Variants in DNAJC13 observed in about 807,000 individuals in gnomAD.
The protein encoded by DNAJC13 is dnaJ homolog subfamily C member 13.
In DNAJC13, 75 loss-of-function variants were observed where a neutral mutation model predicts 290.5. The ratio of observed to expected loss-of-function variants is 0.26; its 90% confidence interval spans 0.21 to 0.31. The LOEUF is 0.31. Ranked by LOEUF, DNAJC13 falls within the 10% of genes least tolerant of loss-of-function variation. DNAJC13 has a pLI of 1.00. For synonymous variants in DNAJC13, 862 were observed against 892.0 expected, an observed-to-expected ratio of 0.97 and a Z score of 0.60; for missense variants, 2,260 against 2,674.5, an observed-to-expected ratio of 0.85 and a Z score of 3.42.
At chr3:132,523,794 A>AGATGGCTAACT in intron 51 of DNAJC13, 81 bp downstream of exon 51, 2 of 1,387,964 alleles carry the variant, frequency 1.4e-6, no homozygotes, top group East Asian at 4.7e-5. Context: ...CTTATTCACA[A>AGATGGCTAACT]AGACCATGAA....
At chr3:132,506,209 T>C (rs1393027977) in intron 42 of DNAJC13, among the ~76,000 whole-genome samples, 1 of 150,594 alleles carries the variant, frequency 6.6e-6, no homozygotes, top group Non-Finnish European at 1.5e-5. Flanking sequence ...TGCACCACCA[T>C]GCCTGGCTAA....
At chr3:132,521,246 C>CA (rs58866442) in intron 48 of DNAJC13, among the ~76,000 whole-genome samples, 47 of 145,328 alleles carry the variant, frequency 3.2e-4, no homozygotes, top group Non-Finnish European at 5.2e-4. Flanking sequence ...AAAAGAAAAA[C>CA]AAAAAAAAAA....
intron 55 of DNAJC13, among the ~76,000 whole-genome samples, chr3:132,533,977 A>G (rs1425000388): frequency 1.3e-5 from 2 of 152,178 alleles, no homozygotes; most frequent in Non-Finnish European, 2.9e-5. Flanking sequence ...CTTTCCTTTT[A>G]CTTGGATCCA....
rs756893907 is a variant in DNAJC13, at chr3:132,523,646, A to G, written c.5993A>G (p.Lys1998Arg). The G allele has an allele frequency of 3.1e-6, 5 of 1,614,010 alleles. No homozygotes were observed. The African/African-American group carries it at 5.3e-5, about 17-fold the overall frequency. ...GCACAACCAGCCTGGGTTCTAAGAA[A>G]GCCTAGAGAATTTCTTATTGCCCTG... ...FIAQPAWVLR[K>R]PREFLIALLE... The change falls in exon 51 of 56, where the codon AAG becomes AGG. Residue 1998 changes from lysine (K) to arginine (R), a missense_variant. By Grantham distance (26) the Lys-to-Arg change is conservative. Coordinates refer to ENST00000260818, the MANE Select transcript of DNAJC13 (RefSeq NM_015268.4).
At chr3:132,501,166 G>T (rs113011018) in intron 39 of DNAJC13, among the ~76,000 whole-genome samples, 4 of 152,262 alleles carry the variant, frequency 2.6e-5, no homozygotes, top group African/African-American at 9.6e-5. Context: ...AGAATGAGTG[G>T]CAGGGAGAAA....
At position 132,516,828 on chromosome 3, in the gene DNAJC13, A is replaced by G. The variant is rs1935935249; in HGVS notation, c.5673+12A>G. 6.3e-7 allele frequency: 1 copy of G among 1,588,038 alleles called. No homozygotes were observed. The highest frequency in any genetic ancestry group is 8.6e-7 in the Non-Finnish European group (1 of 1,163,518). ...TGATAGGTCCAAAGGTAGGCACAAA[A>G]TAAGTTCTTGAAAGGAAATTAATTA... On this transcript the variant is annotated intron_variant, in intron 48 of 55. Transcript: ENST00000260818.
intron 1 of DNAJC13, among the ~76,000 whole-genome samples, chr3:132,425,027 A>G (rs1443397935): frequency 3.3e-5 from 5 of 152,164 alleles, no homozygotes; most frequent in African/African-American, 7.2e-5. Flanking sequence ...AAAAATGAAC[A>G]TTCTGTTAGC....
At chr3:132,491,366 G>A (rs1369378572) in intron 32 of DNAJC13, among the ~76,000 whole-genome samples, 1 of 152,016 alleles carries the variant, frequency 6.6e-6, no homozygotes, top group African/African-American at 2.4e-5. Context: ...ATATATATAG[G>A]GAATTGGGGT....
intron 2 of DNAJC13, among the ~76,000 whole-genome samples, chr3:132,441,766 T>G (rs1450129629): frequency 6.6e-6 from 1 of 152,210 alleles, no homozygotes; most frequent in Non-Finnish European, 1.5e-5. Context: ...CATGCCTGAT[T>G]GATAGAAGCT....
intron 2 of DNAJC13, among the ~76,000 whole-genome samples, chr3:132,435,636 T>C (rs1293406010): frequency 2.0e-4 from 30 of 152,192 alleles, no homozygotes; most frequent in Admixed American, 2.0e-3. Context: ...TCTCATTTTT[T>C]TTCCCCCTAG....
At chr3:132,432,866 T>C (rs1177349023) in intron 1 of DNAJC13, among the ~76,000 whole-genome samples, 1 of 152,118 alleles carries the variant, frequency 6.6e-6, no homozygotes, top group Non-Finnish European at 1.5e-5. Flanking sequence ...ACCAGAGGAG[T>C]GCATTAATCA....
chr3:132,433,552 A>G (rs183276382), intron 1 of DNAJC13, among the ~76,000 whole-genome samples: 102 of 152,324 alleles, frequency 6.7e-4, no homozygotes, highest in African/African-American at 2.4e-3. Flanking sequence ...CTGGGGTTAT[A>G]GGCATGAGCC....
chr3:132,472,909 C>T (rs1266767825), intron 20 of DNAJC13, among the ~76,000 whole-genome samples: 1 of 152,164 alleles, frequency 6.6e-6, no homozygotes, highest in Non-Finnish European at 1.5e-5. Flanking sequence ...CTTTAGGCTA[C>T]ATGGAAAATA....
chr3:132,447,494 A>G, intron 4 of DNAJC13, 24 bp downstream of exon 4: 2 of 1,532,458 alleles, frequency 1.3e-6, no homozygotes, highest in Admixed American at 2.4e-5. Context: ...ATGTTCATAA[A>G]TAAAATTTCT....
chr3:132,514,376 A>G (rs1172131575), intron 45 of DNAJC13, among the ~76,000 whole-genome samples, 195 bp from the exon 46 acceptor site: 1 of 152,182 alleles, frequency 6.6e-6, no homozygotes, highest in Non-Finnish European at 1.5e-5. Context: ...ATAGGATTGA[A>G]GGCTTCTTAG....
chr3:132,498,351 A>G (rs1321609734), intron 36 of DNAJC13, among the ~76,000 whole-genome samples: 1 of 152,192 alleles, frequency 6.6e-6, no homozygotes, highest in African/African-American at 2.4e-5. Context: ...TAAAATATTC[A>G]GTGTCATGTA....
Position 132,496,509 on chromosome 3 carries a change from T to C in DNAJC13, c.4021-19T>C, listed in dbSNP as rs764185802. On this transcript the variant is annotated intron_variant, in intron 35 of 55. Coordinates refer to ENST00000260818, the MANE Select transcript of DNAJC13 (RefSeq NM_015268.4). The stretch of plus-strand genomic sequence containing the variant: ...GCGACATTCCAAATTAACGTTAAAT[T>C]ATCTTCTGTTACATACAGGACATGT... The C allele has an allele frequency of 6.4e-7, 1 of 1,552,656 alleles. No homozygotes were observed. The highest frequency in any genetic ancestry group is 8.7e-7 in the Non-Finnish European group (1 of 1,152,328).
At chr3:132,428,106 A>G (rs965816590) in intron 1 of DNAJC13, among the ~76,000 whole-genome samples, 6 of 152,140 alleles carry the variant, frequency 3.9e-5, no homozygotes, top group Admixed American at 2.0e-4. Context: ...ATGATTCCTG[A>G]CTACTGTACT....
chr3:132,447,570 C>CCTA, intron 4 of DNAJC13, 100 bp downstream of exon 4: 1 of 1,181,132 alleles, frequency 8.5e-7, no homozygotes, highest in South Asian at 2.0e-5. Flanking sequence ...TGCCCCTGTA[C>CCTA]CCACTATGAT....
Sources: allele counts gnomAD v4.1 joint callset (sites outside exome capture counted in the v4.1 genomes callset), GRCh38; gene constraint gnomAD v4.1.1; transcripts MANE v1.5; gene names NCBI Gene and HGNC (gene_info 2026-07-23, HGNC 2026-07-21).